Variants in MYO3B observed in about 807,000 individuals in gnomAD.
MYO3B encodes the protein myosin-IIIb.
A neutral mutation model predicts 174.6 loss-of-function variants in MYO3B; 156 were observed. The observed-to-expected ratio is 0.89, with a 90% CI of 0.78 to 1.02. MYO3B has a LOEUF of 1.02. Ranked by LOEUF, MYO3B falls within the 50% of genes least tolerant of loss-of-function variation. The probability of loss-of-function intolerance (pLI) is 0.00; values close to 1 mark genes in which losing one functional copy is unlikely to be tolerated. For synonymous variants in MYO3B, 563 were observed against 569.1 expected (o/e 0.99, Z 0.15); for missense variants, 1,632 against 1,639.4 (o/e 1.00, Z 0.08).
At chr2:170,520,938 C>G (rs1688635064) in intron 30 of MYO3B, among the ~76,000 whole-genome samples, 1 of 152,088 alleles carries the variant, frequency 6.6e-6, no homozygotes, top group Non-Finnish European at 1.5e-5. Flanking sequence ...AAGGGAAGGC[C>G]TAATAGAATG....
intron 8 of MYO3B, among the ~76,000 whole-genome samples, chr2:170,357,373 ATGTG>A (rs2094130524): frequency 7.2e-6 from 1 of 138,402 alleles, no homozygotes; most frequent in African/African-American, 2.6e-5. Flanking sequence ...ATATATTTAT[ATGTG>A]TATTATATAT....
At chr2:170,268,596 A>C (rs1315186044) in intron 7 of MYO3B, among the ~76,000 whole-genome samples, 1 of 152,192 alleles carries the variant, frequency 6.6e-6, no homozygotes, top group African/African-American at 2.4e-5. Context: ...TGGGGGCTAG[A>C]AGGGATGAGG....
chr2:170,625,830 G>A (rs1324978773), intron 32 of MYO3B, among the ~76,000 whole-genome samples: 1 of 152,216 alleles, frequency 6.6e-6, no homozygotes, highest in Non-Finnish European at 1.5e-5. Context: ...TCATTCAGGA[G>A]CAGGTTGTTC....
rs767662475 is a variant in MYO3B at position 170,499,653 on chromosome 2, T to A, written c.3134T>A (p.Leu1045His). 2 of 1,614,092 alleles carry A rather than the reference T, an allele frequency of 1.2e-6. No homozygotes were observed. The highest frequency in any genetic ancestry group is 4.5e-5 in the East Asian group (2 of 44,888). ...ACTACTGTCTCGTTTCAGGTTTTTC[T>A]CAAATATTACCATGTTGAGCAATTA... is the stretch of plus-strand genomic sequence containing the variant. ...HWVLGKTKVFLKYYHVEQLNL... is the reference protein window; with the variant it reads ...HWVLGKTKVFHKYYHVEQLNL... The change falls in exon 27 of 35, where the codon CTC becomes CAC. Residue 1045 changes from leucine (L) to histidine (H), a missense_variant. Transcript: ENST00000408978.
chr2:170,490,189 C>T (rs767212096), intron 25 of MYO3B, among the ~76,000 whole-genome samples: 15 of 151,994 alleles, frequency 9.9e-5, no homozygotes, highest in South Asian at 8.3e-4. Flanking sequence ...CTACCACGCC[C>T]GGCTAATTTT....
At chr2:170,282,185 G>A (rs1157652512) in intron 7 of MYO3B, among the ~76,000 whole-genome samples, 2 of 152,138 alleles carry the variant, frequency 1.3e-5, no homozygotes, top group Admixed American at 6.6e-5. Context: ...GCCTAGACCA[G>A]TGTCCTGGAG....
chr2:170,407,598 C>CTCTGGA, intron 21 of MYO3B, 117 bp from the exon 22 acceptor site: 36 of 1,100,274 alleles, frequency 3.3e-5, no homozygotes, highest in Non-Finnish European at 4.3e-5. Flanking sequence ...GATATGAAAG[C>CTCTGGA]TATGTAAAGA....
At chr2:170,401,786 G>GTTTTT in intron 18 of MYO3B, 95 bp downstream of exon 18, 2 of 1,004,616 alleles carry the variant, frequency 2.0e-6, no homozygotes, top group Non-Finnish European at 2.9e-6. Flanking sequence ...TCCTCTCTGG[G>GTTTTT]ATTTTCTTTC....
chr2:170,577,156 C>T (rs140402448), intron 32 of MYO3B, among the ~76,000 whole-genome samples: 44 of 152,246 alleles, frequency 2.9e-4, no homozygotes, highest in Middle Eastern at 3.4e-3. Context: ...CCAAGATCTT[C>T]GAACCAGTAG....
Position 170,198,390 on chromosome 2 carries a change from A to G in MYO3B, c.3-818A>G, listed in dbSNP as rs541443325. Among the ~76,000 whole-genome samples, 3 of 152,330 alleles carry G rather than the reference A, an allele frequency of 2.0e-5. No individual in the cohort carries two copies. The South Asian group carries it at 6.2e-4, about 32-fold the overall frequency. ...TCAGGGACAAGATGAGAAAGATCAC[A>G]GAGCTTTGTAGTGATGAGTGGTTTT... On this transcript the variant is annotated intron_variant, in intron 1 of 34. Coordinates refer to ENST00000408978, the MANE Select transcript of MYO3B (RefSeq NM_138995.5).
intron 32 of MYO3B, among the ~76,000 whole-genome samples, chr2:170,563,948 C>G (rs554132021): frequency 6.6e-6 from 1 of 152,252 alleles, no homozygotes; most frequent in South Asian, 2.1e-4. Flanking sequence ...TTTAAGGGTT[C>G]TGTTATGAAG....
chr2:170,232,619 C>G (rs1466453613), intron 6 of MYO3B, among the ~76,000 whole-genome samples: 1 of 152,212 alleles, frequency 6.6e-6, no homozygotes, highest in Admixed American at 6.5e-5. Flanking sequence ...CAAATTCTGG[C>G]CCTGACAATT....
chr2:170,220,123 T>G (rs1248969833), intron 6 of MYO3B, among the ~76,000 whole-genome samples: 1 of 151,202 alleles, frequency 6.6e-6, no homozygotes, highest in African/African-American at 2.4e-5. Context: ...CTGGGCATGG[T>G]GGCGGGTGCC....
chr2:170,631,788 A>G (rs1697009053), intron 32 of MYO3B, among the ~76,000 whole-genome samples: 1 of 152,212 alleles, frequency 6.6e-6, no homozygotes, highest in East Asian at 1.9e-4. Flanking sequence ...GGCTCAAAAT[A>G]AAGGGATGGA....
intron 21 of MYO3B, among the ~76,000 whole-genome samples, chr2:170,406,672 C>T (rs955789117): frequency 1.9e-5 from 2 of 105,422 alleles, no homozygotes; most frequent in African/African-American, 6.9e-5. Context: ...TATGTCCTAC[C>T]CACCCGTCTT....
At chr2:170,232,982 A>T (rs16858044) in intron 6 of MYO3B, among the ~76,000 whole-genome samples, 6,208 of 152,354 alleles carry the variant, frequency 0.041, 190 homozygotes, top group African/African-American at 0.084. Context: ...GAAACCAGAT[A>T]CAAGTTTTGA....
At chr2:170,381,418 C>T (rs1574884659) in intron 9 of MYO3B, among the ~76,000 whole-genome samples, 1 of 152,046 alleles carries the variant, frequency 6.6e-6, no homozygotes, top group East Asian at 1.9e-4. Context: ...AGGCATATGA[C>T]CAATATTTAA....
At chr2:170,649,137 TATATA>T (rs1409544814) in intron 32 of MYO3B, among the ~76,000 whole-genome samples, 34 of 64,996 alleles carry the variant, frequency 5.2e-4, no homozygotes, top group African/African-American at 2.1e-3. Flanking sequence ...TATAAAATAA[TATATA>T]ATATATTATA....
chr2:170,324,881 C>T (rs1363877555), intron 7 of MYO3B, among the ~76,000 whole-genome samples: 2 of 152,128 alleles, frequency 1.3e-5, no homozygotes, highest in East Asian at 1.9e-4. Flanking sequence ...CACCCTCCAG[C>T]GAATTCTTCT....
Sources: allele counts gnomAD v4.1 joint callset (sites outside exome capture counted in the v4.1 genomes callset), GRCh38; gene constraint gnomAD v4.1.1; transcripts MANE v1.5; gene names NCBI Gene and HGNC (gene_info 2026-07-23, HGNC 2026-07-21).